TANK: variants seen among roughly 807,000 people sequenced by gnomAD.
TANK encodes the protein TRAF family member-associated NF-kappa-B activator.
Under a neutral mutation model 43.6 loss-of-function variants are expected in TANK, and 15 were observed. The ratio of observed to expected loss-of-function variants is 0.34; its 90% CI spans 0.23 to 0.53. The LOEUF (loss-of-function observed/expected upper bound fraction) is 0.53, where lower values mean the gene tolerates loss of function less well. TANK is among the 20% of genes least tolerant of loss of function. The pLI is 0.94. For missense variants in TANK, 417 were observed against 498.6 expected (o/e 0.84, Z 1.56); for synonymous variants, 162 against 178.2 (o/e 0.91, Z 0.73).
chr2:161,177,867 G>A (rs1685237712), intron 1 of TANK, among the ~76,000 whole-genome samples: 1 of 152,072 alleles, frequency 6.6e-6, no homozygotes, highest in African/African-American at 2.4e-5. Context: ...AGTGGACACA[G>A]GATTTGAATG....
intron 1 of TANK, among the ~76,000 whole-genome samples, chr2:161,166,556 T>G (rs1219315513): frequency 6.6e-6 from 1 of 152,216 alleles, no homozygotes; most frequent in Non-Finnish European, 1.5e-5. Flanking sequence ...TGTTGTTGAC[T>G]GATTTTTTTG....
At chr2:161,145,035 C>T (rs1156402526) in intron 1 of TANK, among the ~76,000 whole-genome samples, 1 of 151,672 alleles carries the variant, frequency 6.6e-6, no homozygotes, top group East Asian at 1.9e-4. Flanking sequence ...TGCATTGATC[C>T]CTTTACCATT....
intron 7 of TANK, 34 bp downstream of exon 7, chr2:161,231,585 G>A (rs769861666): frequency 1.9e-6 from 3 of 1,575,850 alleles, no homozygotes; most frequent in African/African-American, 1.3e-5. Flanking sequence ...ATATTATTAT[G>A]TGTGAACACA....
chr2:161,197,511 C>G (rs188133696), intron 2 of TANK: 2 of 152,298 alleles, frequency 1.3e-5, no homozygotes, highest in Admixed American at 6.5e-5. Context: ...CACTCTATAA[C>G]AAAATACCTT....
intron 7 of TANK, chr2:161,232,921 GA>G: frequency 7.0e-7 from 1 of 1,431,048 alleles, no homozygotes; most frequent in Non-Finnish European, 9.3e-7. Context: ...TATTTTGGCA[GA>G]AAAAGCAAAG....
chr2:161,160,908 C>G (rs894295372), intron 1 of TANK: 1 of 429,182 alleles, frequency 2.3e-6, no homozygotes, highest in Non-Finnish European at 4.7e-6. Context: ...CGTGGTTACT[C>G]TTTCGAAAAC....
intron 4 of TANK, among the ~76,000 whole-genome samples, chr2:161,214,185 C>T (rs1284810088): frequency 6.6e-6 from 1 of 152,138 alleles, no homozygotes; most frequent in African/African-American, 2.4e-5. Context: ...CAAATCTTGT[C>T]TGTTGCTTTC....
chr2:161,140,288 T>C (rs868209395), intron 1 of TANK, among the ~76,000 whole-genome samples: 1 of 152,158 alleles, frequency 6.6e-6, no homozygotes, highest in Non-Finnish European at 1.5e-5. Context: ...TCTTCCATTG[T>C]TATTGATCTA....
At chr2:161,169,797 T>C (rs1044587773) in intron 1 of TANK, among the ~76,000 whole-genome samples, 1 of 152,232 alleles carries the variant, frequency 6.6e-6, no homozygotes, top group African/African-American at 2.4e-5. Context: ...GGTTCTTCCA[T>C]TTTCTAATTC....
chr2:161,167,778 A>G (rs1353673562), intron 1 of TANK, among the ~76,000 whole-genome samples: 1 of 151,910 alleles, frequency 6.6e-6, no homozygotes, highest in Non-Finnish European at 1.5e-5. Flanking sequence ...GCCCGCCACC[A>G]CGACCGGCTA....
chr2:161,174,039 A>G (rs1685071548), intron 1 of TANK, among the ~76,000 whole-genome samples: 1 of 152,208 alleles, frequency 6.6e-6, no homozygotes, highest in Non-Finnish European at 1.5e-5. Context: ...TATTAGTACT[A>G]TAAGAGAAGG....
At chr2:161,164,653 C>T (rs1287844416) in intron 1 of TANK, among the ~76,000 whole-genome samples, 1 of 152,278 alleles carries the variant, frequency 6.6e-6, no homozygotes, top group African/African-American at 2.4e-5. Context: ...CCCTATGCAA[C>T]TGAAAACAGG....
At chr2:161,202,182 C>CTTTTTTTTTT (rs35913723) in intron 2 of TANK, among the ~76,000 whole-genome samples, 23 of 78,122 alleles carry the variant, frequency 2.9e-4, no homozygotes, top group East Asian at 1.4e-3. Context: ...GCTCTAATTT[C>CTTTTTTTTTT]TTTTTTTTTT....
rs567967936 is a variant in TANK at position 161,143,253 on chromosome 2, T to C, written c.-50+6190T>C. Among the ~76,000 whole-genome samples the C allele has an allele frequency of 2.0e-5, 3 of 152,268 alleles. No individual in the cohort carries two copies. The East Asian group carries it at 5.8e-4, about 29-fold the overall frequency. On this transcript the variant is annotated intron_variant, in intron 1 of 7. Transcript: ENST00000259075. ...ATTATGGGGTTTTCTAAATATAGAC[T>C]CATATCATCTGCAAACAGAGACAAT...
chr2:161,187,346 T>G (rs1001123976), intron 2 of TANK, among the ~76,000 whole-genome samples: 2 of 152,134 alleles, frequency 1.3e-5, no homozygotes, highest in African/African-American at 4.8e-5. Context: ...GGTGGATTGG[T>G]TGAGCCCTAG....
At chr2:161,180,219 A>T in intron 2 of TANK, 2 of 631,906 alleles carry the variant, frequency 3.2e-6, no homozygotes, top group Non-Finnish European at 3.9e-6. Context: ...TCCATTCTTT[A>T]TAACAATTCA....
chr2:161,232,665 T>G, intron 7 of TANK: 1 of 1,450,638 alleles, frequency 6.9e-7, no homozygotes, highest in Non-Finnish European at 9.2e-7. Flanking sequence ...TGTGGAGCTG[T>G]GAAGTGCATC....
At chr2:161,164,052 G>A (rs114324981) in intron 1 of TANK, among the ~76,000 whole-genome samples, 1,583 of 152,264 alleles carry the variant, frequency 0.01, 22 homozygotes, top group African/African-American at 0.037. Flanking sequence ...GTAGGATGCA[G>A]GCATTATGTG....
chr2:161,148,153 G>T (rs990555245), intron 1 of TANK, among the ~76,000 whole-genome samples: 30 of 152,072 alleles, frequency 2.0e-4, no homozygotes, highest in African/African-American at 6.5e-4. Flanking sequence ...ACTATATAAG[G>T]CTTCCAATTT....
Sources: gnomAD v4.1 joint callset for allele counts (sites outside exome capture counted in the v4.1 genomes callset) on GRCh38, gnomAD v4.1.1 for gene constraint, MANE v1.5 for transcripts, NCBI Gene and HGNC (gene_info 2026-07-23, HGNC 2026-07-21) for gene names.